PLCH1: variants seen among roughly 807,000 people sequenced by gnomAD.
PLCH1 encodes the protein phospholipase C eta 1.
PLCH1 carries 60 observed loss-of-function variants against 126.7 expected under a neutral mutation model. That is an observed-to-expected ratio of 0.47 (90% CI 0.38 to 0.59). The LOEUF (loss-of-function observed/expected upper bound fraction) is 0.59. Among genes scored for constraint, PLCH1 ranks in the 20% least tolerant of loss-of-function variants. The probability of loss-of-function intolerance (pLI) is 0.00; values close to 1 mark genes in which losing one functional copy is unlikely to be tolerated. For missense variants in PLCH1, 1,723 were observed against 2,040.0 expected, an observed-to-expected ratio of 0.84 and a Z score of 2.99; for synonymous variants, 719 against 734.9, an observed-to-expected ratio of 0.98 and a Z score of 0.35.
intron 2 of PLCH1, among the ~76,000 whole-genome samples, chr3:155,618,639 T>C: frequency 6.6e-6 from 1 of 152,174 alleles, no homozygotes; most frequent in East Asian, 1.9e-4. Flanking sequence ...AAATTCCCAA[T>C]GGTATCTGAT....
rs987547407 is a variant in PLCH1 at position 155,500,781 on chromosome 3, G to A, written c.1718C>T (p.Ser573Leu). The A allele has an allele frequency of 1.2e-6, 2 of 1,611,086 alleles. No individual in the cohort carries two copies. The highest frequency in any genetic ancestry group is 1.3e-5 in the African/African-American group (1 of 74,844). Residue 573 changes from serine (S) to leucine (L), a missense_variant, in exon 14 of 23, where the codon TCA becomes TTA. By Grantham distance (145) the Ser-to-Leu change is moderately radical (BLOSUM62 -2). Coordinates refer to ENST00000460012, the MANE Select transcript of PLCH1 (RefSeq NM_014996.4). ...NFGKHKKTTKSRSKSYSTDDE... is the reference protein window; with the variant it reads ...NFGKHKKTTKLRSKSYSTDDE... ...ATCAGTACTGTAAGATTTAGACCGT[G>A]ATTTTGTAGTTTTCTGCCAGAAAAA...
At chr3:155,543,472 T>A (rs1335864452) in intron 10 of PLCH1, among the ~76,000 whole-genome samples, 1 of 152,154 alleles carries the variant, frequency 6.6e-6, no homozygotes, top group Non-Finnish European at 1.5e-5. Context: ...CTGCAGGATA[T>A]TATCCAGGAG....
intron 8 of PLCH1, among the ~76,000 whole-genome samples, chr3:155,554,654 T>G (rs1334641923): frequency 1.3e-5 from 2 of 152,194 alleles, no homozygotes; most frequent in African/African-American, 4.8e-5. Flanking sequence ...GCTCACAATG[T>G]TTTCATTAGA....
intron 2 of PLCH1, among the ~76,000 whole-genome samples, chr3:155,696,103 G>C (rs1342560444): frequency 6.6e-6 from 1 of 152,162 alleles, no homozygotes; most frequent in African/African-American, 2.4e-5. Context: ...ATAGACATGG[G>C]AACTGAAGCC....
intron 21 of PLCH1, among the ~76,000 whole-genome samples, chr3:155,472,384 G>C (rs925956178): frequency 4.6e-5 from 7 of 152,152 alleles, no homozygotes; most frequent in African/African-American, 1.4e-4. Flanking sequence ...CCAGGAAGAA[G>C]TTGAATCTCT....
At chr3:155,520,076 GA>G (rs1435387709) in intron 11 of PLCH1, among the ~76,000 whole-genome samples, 1 of 152,124 alleles carries the variant, frequency 6.6e-6, no homozygotes, top group Admixed American at 6.5e-5. Context: ...CCATGTATTA[GA>G]AACAACTAGA....
Position 155,577,040 on chromosome 3 carries a change from G to A in PLCH1, c.771+6432C>T, listed in dbSNP as rs566129668. 1.6e-4 allele frequency among the ~76,000 whole-genome samples: 25 copies of A among 152,216 alleles called. No homozygotes were observed. In the South Asian group the frequency reaches 3.5e-3, roughly 21 times the overall value. Reference sequence around the variant, plus strand: ...CATATTTTTTAATCTTTACTAATACGATGGGAAAGAAATTGTCTCCTAGCC... The same window carrying A: ...CATATTTTTTAATCTTTACTAATACAATGGGAAAGAAATTGTCTCCTAGCC... On this transcript the variant is annotated intron_variant, in intron 6 of 22. Coordinates refer to ENST00000460012, the MANE Select transcript of PLCH1 (RefSeq NM_014996.4).
At chr3:155,696,134 T>A (rs1198918320) in intron 2 of PLCH1, among the ~76,000 whole-genome samples, 3 of 152,156 alleles carry the variant, frequency 2.0e-5, no homozygotes, top group Non-Finnish European at 4.4e-5. Context: ...GTGAAGCTGC[T>A]CCACACTAGG....
At chr3:155,452,159 G>A (rs755019511) in intron 21 of PLCH1, among the ~76,000 whole-genome samples, 4 of 152,134 alleles carry the variant, frequency 2.6e-5, no homozygotes, top group Non-Finnish European at 5.9e-5. Context: ...GACTGGGGAG[G>A]CCTCAGAATC....
chr3:155,622,358 G>A (rs1246856079), intron 2 of PLCH1, among the ~76,000 whole-genome samples: 5 of 152,022 alleles, frequency 3.3e-5, no homozygotes, highest in Non-Finnish European at 5.9e-5. Context: ...ATCAACTAAC[G>A]GGCAAAATAA....
At chr3:155,506,274 T>A (rs549781069) in intron 12 of PLCH1, among the ~76,000 whole-genome samples, 46 of 152,052 alleles carry the variant, frequency 3.0e-4, no homozygotes, top group Admixed American at 2.6e-3. Flanking sequence ...AAAACAGGAT[T>A]CTGTCTAGCT....
chr3:155,724,710 T>A (rs1283710585), intron 1 of PLCH1, among the ~76,000 whole-genome samples: 2 of 152,062 alleles, frequency 1.3e-5, no homozygotes, highest in African/African-American at 4.8e-5. Flanking sequence ...TTCTGTATAT[T>A]TTAAGTGGAG....
chr3:155,625,414 G>A (rs186564269), intron 2 of PLCH1, among the ~76,000 whole-genome samples: 1 of 152,204 alleles, frequency 6.6e-6, no homozygotes, highest in East Asian at 1.9e-4. Context: ...AAACAAAAGA[G>A]CTTCTACACA....
chr3:155,461,995 G>T (rs1239086931), intron 21 of PLCH1, among the ~76,000 whole-genome samples: 1 of 152,240 alleles, frequency 6.6e-6, no homozygotes, highest in East Asian at 1.9e-4. Flanking sequence ...CATTCAAAAT[G>T]TGTACTTTCT....
In PLCH1 at chr3:155,710,151, C is replaced by T. The variant is rs147884401; in HGVS notation, c.-40-5887G>A. On this transcript the variant is annotated intron_variant, in intron 1 of 22. Coordinates refer to ENST00000460012, the MANE Select transcript of PLCH1 (RefSeq NM_014996.4). ...TACAGGCACACGCCACCACACCTGG[C>T]GAATTTTTGTATTTTTTTAGTAGAG... Among the ~76,000 whole-genome samples the T allele has an allele frequency of 2.3e-3, 356 of 152,110 alleles. 2 individuals carry two copies. The highest frequency in any genetic ancestry group is 8.3e-3 in the African/African-American group (343 of 41,500).
At chr3:155,534,903 T>C (rs1006476632) in intron 10 of PLCH1, among the ~76,000 whole-genome samples, 1 of 152,234 alleles carries the variant, frequency 6.6e-6, no homozygotes, top group South Asian at 2.1e-4. Context: ...ATTGTAAGTT[T>C]CATGAGGCTT....
At chr3:155,726,889 T>C (rs538621111) in intron 1 of PLCH1, among the ~76,000 whole-genome samples, 1 of 149,602 alleles carries the variant, frequency 6.7e-6, no homozygotes, top group Admixed American at 6.6e-5. Context: ...TTTTTTTTTT[T>C]TTTTGTATTT....
At chr3:155,491,845 T>C (rs1293578045) in intron 18 of PLCH1, among the ~76,000 whole-genome samples, 9 of 152,086 alleles carry the variant, frequency 5.9e-5, no homozygotes, top group African/African-American at 7.2e-5. Context: ...AATCAAGCTA[T>C]GCATGTTTGA....
chr3:155,634,457 G>A (rs1017182510), intron 2 of PLCH1, among the ~76,000 whole-genome samples: 3 of 152,186 alleles, frequency 2.0e-5, no homozygotes, highest in African/African-American at 7.2e-5. Flanking sequence ...TGTGGTGAGT[G>A]GGACTGAAAC....
Sources: gnomAD v4.1 joint callset for allele counts (sites outside exome capture counted in the v4.1 genomes callset) on GRCh38, gnomAD v4.1.1 for gene constraint, MANE v1.5 for transcripts, NCBI Gene and HGNC (gene_info 2026-07-23, HGNC 2026-07-21) for gene names.